HDAC9: variants seen among roughly 807,000 people sequenced by gnomAD.
HDAC9 encodes histone deacetylase 9.
A neutral mutation model predicts 139.4 loss-of-function variants in HDAC9; 41 were observed. The ratio of observed to expected loss-of-function variants is 0.29; its 90% CI spans 0.23 to 0.38. HDAC9 has a LOEUF of 0.38. Ranked by LOEUF, HDAC9 falls within the 10% of genes least tolerant of loss-of-function variation. HDAC9 has a pLI of 1.00. For synonymous variants in HDAC9, 517 were observed against 476.2 expected, an observed-to-expected ratio of 1.09 and a Z score of -1.12; for missense variants, 1,147 against 1,297.0, an observed-to-expected ratio of 0.88 and a Z score of 1.78.
chr7:18,658,042 G>A (rs1441017972), intron 11 of HDAC9, among the ~76,000 whole-genome samples: 4 of 151,998 alleles, frequency 2.6e-5, no homozygotes, highest in South Asian at 4.2e-4. Context: ...GTCTTCTCAC[G>A]GTTTGATTGT....
At chr7:18,480,085 A>G (rs1795434523) in intron 1 of HDAC9, among the ~76,000 whole-genome samples, 1 of 146,202 alleles carries the variant, frequency 6.8e-6, no homozygotes, top group South Asian at 2.1e-4. Flanking sequence ...AACTTTTTAG[A>G]ATTTTTTTCT....
intron 1 of HDAC9, among the ~76,000 whole-genome samples, chr7:18,463,104 T>G (rs1377063297): frequency 3.3e-5 from 5 of 151,976 alleles, no homozygotes; most frequent in Non-Finnish European, 5.9e-5. Flanking sequence ...TGAAGAGTCC[T>G]ATAACTGAAA....
intron 11 of HDAC9, among the ~76,000 whole-genome samples, chr7:18,654,846 C>T (rs548334729): frequency 4.7e-4 from 71 of 152,282 alleles, no homozygotes; most frequent in African/African-American, 1.5e-3. Context: ...ACTCACTTGG[C>T]AGTCTTTGCA....
At chr7:18,301,445 T>A (rs988886376) in intron 1 of HDAC9, among the ~76,000 whole-genome samples, 13 of 152,170 alleles carry the variant, frequency 8.5e-5, no homozygotes, top group African/African-American at 2.4e-4. Flanking sequence ...GATTTTTTTT[T>A]ATTGCATAAA....
chr7:18,107,982 G>A (rs1021260988), intron 1 of HDAC9, among the ~76,000 whole-genome samples: 1 of 152,160 alleles, frequency 6.6e-6, no homozygotes, highest in Non-Finnish European at 1.5e-5. Context: ...TTTGAGTGCA[G>A]GTAGTTTACT....
intron 21 of HDAC9, among the ~76,000 whole-genome samples, chr7:18,873,391 T>C (rs995905799): frequency 7.2e-5 from 11 of 152,276 alleles, no homozygotes; most frequent in African/African-American, 2.6e-4. Flanking sequence ...AGGAAAAATA[T>C]TTCAATCATT....
At chr7:18,148,372 G>A (rs895420288) in intron 1 of HDAC9, among the ~76,000 whole-genome samples, 1 of 152,134 alleles carries the variant, frequency 6.6e-6, no homozygotes. Context: ...CAGGACTGAA[G>A]AACCAGCACT....
At chr7:18,867,016 T>C (rs981519195) in intron 21 of HDAC9, among the ~76,000 whole-genome samples, 5 of 152,260 alleles carry the variant, frequency 3.3e-5, no homozygotes, top group African/African-American at 1.2e-4. Flanking sequence ...TGGAATTCTT[T>C]TCTGCTTACT....
intron 2 of HDAC9, among the ~76,000 whole-genome samples, chr7:18,270,826 C>G (rs1403783049): frequency 6.6e-6 from 1 of 151,930 alleles, no homozygotes; most frequent in Non-Finnish European, 1.5e-5. Flanking sequence ...CCAGCCAAGT[C>G]TGAGTGAATT....
intron 13 of HDAC9, among the ~76,000 whole-genome samples, chr7:18,738,968 C>T (rs1384706475): frequency 2.0e-5 from 3 of 152,106 alleles, no homozygotes; most frequent in Non-Finnish European, 4.4e-5. Flanking sequence ...TCTTTTTACT[C>T]TTTTTTCTCT....
intron 17 of HDAC9, among the ~76,000 whole-genome samples, chr7:18,818,443 A>T (rs1794728065): frequency 6.6e-6 from 1 of 152,206 alleles, no homozygotes; most frequent in South Asian, 2.1e-4. Flanking sequence ...TAAAAATCTA[A>T]TATTTGATCA....
At chr7:18,808,820 G>C (rs902859066) in intron 17 of HDAC9, among the ~76,000 whole-genome samples, 4 of 151,696 alleles carry the variant, frequency 2.6e-5, no homozygotes, top group Non-Finnish European at 5.9e-5. Context: ...AAAAGACCCT[G>C]AATAGCCAAA....
intron 2 of HDAC9, among the ~76,000 whole-genome samples, chr7:18,192,760 A>C (rs1018468283): frequency 2.8e-4 from 43 of 152,242 alleles, no homozygotes; most frequent in African/African-American, 1.0e-3. Flanking sequence ...CTAAAATACA[A>C]CATGCCAGAA....
intron 1 of HDAC9, among the ~76,000 whole-genome samples, chr7:18,098,014 T>C (rs1352674881): frequency 6.6e-6 from 1 of 152,234 alleles, no homozygotes; most frequent in Non-Finnish European, 1.5e-5. Flanking sequence ...AATATTCTTT[T>C]TCTCCAATTG....
At chr7:18,312,534 C>A (rs1799386445) in intron 1 of HDAC9, among the ~76,000 whole-genome samples, 1 of 152,068 alleles carries the variant, frequency 6.6e-6, no homozygotes, top group African/African-American at 2.4e-5. Context: ...TTAACAGATC[C>A]TCTGTTAGAA....
intron 12 of HDAC9, among the ~76,000 whole-genome samples, chr7:18,682,466 A>G (rs6980276): frequency 0.098 from 14,963 of 152,026 alleles, 1,884 homozygotes; most frequent in African/African-American, 0.3. Context: ...CTCACTCTAC[A>G]TATTGATTTT....
At chr7:18,428,101 T>C (rs1322438560) in intron 1 of HDAC9, among the ~76,000 whole-genome samples, 1 of 152,228 alleles carries the variant, frequency 6.6e-6, no homozygotes, top group Non-Finnish European at 1.5e-5. Flanking sequence ...TCCTTTTATA[T>C]GTATACCACA....
chr7:18,538,507 T>A (rs901435611), intron 2 of HDAC9, among the ~76,000 whole-genome samples: 7 of 152,200 alleles, frequency 4.6e-5, no homozygotes, highest in African/African-American at 1.7e-4. Flanking sequence ...CACTTGAATT[T>A]TATTTTTACC....
At chr7:18,591,490 TG>T (rs1830952134) in intron 4 of HDAC9, 25 bp from the exon 5 acceptor site, 1 of 1,550,328 alleles carries the variant, frequency 6.5e-7, no homozygotes, top group Non-Finnish European at 8.7e-7. Context: ...TGTGTGTGTG[TG>T]TGTGTGTGTG....
Sources: allele counts gnomAD v4.1 joint callset (sites outside exome capture counted in the v4.1 genomes callset), GRCh38; gene constraint gnomAD v4.1.1; transcripts MANE v1.5; gene names NCBI Gene and HGNC (gene_info 2026-07-23, HGNC 2026-07-21).